Variants in CALU observed in about 807,000 individuals in gnomAD.
CALU encodes the protein IEF SSP 9302.
A neutral mutation model predicts 37.5 loss-of-function variants in CALU; 13 were observed. The ratio of observed to expected loss-of-function variants is 0.35; its 90% CI spans 0.23 to 0.55. The LOEUF (loss-of-function observed/expected upper bound fraction) is 0.55, where lower values mean the gene tolerates loss of function less well. CALU is among the 20% of genes least tolerant of loss of function. The pLI, the probability that CALU is intolerant of heterozygous loss-of-function variation, is 0.89. For synonymous variants in CALU, 114 were observed against 133.8 expected (o/e 0.85, Z 1.02); for missense variants, 282 against 391.7 (o/e 0.72, Z 2.36).
At chr7:128,748,932 C>T in intron 2 of CALU, 128 bp downstream of exon 2, 1 of 620,660 alleles carries the variant, frequency 1.6e-6, no homozygotes, top group Non-Finnish European at 2.8e-6. Flanking sequence ...TGAAAGCTAA[C>T]CATGGAATTA....
chr7:128,741,038 T>C (rs1800221862), intron 1 of CALU, among the ~76,000 whole-genome samples: 1 of 152,182 alleles, frequency 6.6e-6, no homozygotes, highest in Non-Finnish European at 1.5e-5. Context: ...CCTAGTACAT[T>C]GGTGTTAACA....
At chr7:128,751,007 TG>T (rs1369346876) in intron 2 of CALU, among the ~76,000 whole-genome samples, 9 of 152,188 alleles carry the variant, frequency 5.9e-5, no homozygotes, top group Admixed American at 1.3e-4. Flanking sequence ...AAAAGTTCTC[TG>T]GCTGGGCGCA....
rs1800993979 is a variant in CALU, at chr7:128,758,970, C to T, written c.515C>T (p.Thr172Ile). Residue 172 changes from threonine (T) to isoleucine (I), a missense_variant, in exon 4 of 7, where the codon ACC becomes ATC. Thr to Ile is a moderately conservative substitution (Grantham distance 89). Coordinates refer to ENST00000249364, the MANE Select transcript of CALU (RefSeq NM_001219.5). ...GACAAGGATGGAGACCTCATTGCCA[C>T]CAAGGAGGAGTTCACAGCTTTCCTG... ...MADKDGDLIA[T>I]KEEFTAFLHP... 1.2e-6 allele frequency: 2 copies of T among 1,612,806 alleles called. No homozygotes were observed. The highest frequency in any genetic ancestry group is 1.3e-5 in the African/African-American group (1 of 74,844).
rs371965563 is a variant in CALU at position 128,760,012 on chromosome 7, A to G, written c.643+160A>G. 1.9e-3 allele frequency among the ~76,000 whole-genome samples: 295 copies of G among 152,354 alleles called. 9 individuals are homozygous for G. The South Asian group carries it at 0.046, about 24-fold the overall frequency. On this transcript the variant is annotated intron_variant, in intron 5 of 6. Transcript: ENST00000249364. Reference sequence around the variant, plus strand: ...GGAGTCCAAGTCCAGCCTGGCCAACATGGGGAAACCCCGTCTCTACTAAAA... The same window carrying G: ...GGAGTCCAAGTCCAGCCTGGCCAACGTGGGGAAACCCCGTCTCTACTAAAA...
In CALU at chr7:128,754,472, T is replaced by C; in HGVS notation, c.415+17T>C. 6.2e-7 allele frequency: 1 copy of C among 1,609,348 alleles called. No individual in the cohort carries two copies. On this transcript the variant is annotated intron_variant, in intron 3 of 6. Coordinates refer to ENST00000249364, the MANE Select transcript of CALU (RefSeq NM_001219.5). ...ACGTTTTAGGTAGGTCCCTACTGTC[T>C]GGGGGAAAAAGCCTTGTGGAGCTGG...
At chr7:128,758,665 A>T (rs1040808064) in intron 3 of CALU, among the ~76,000 whole-genome samples, 1 of 152,218 alleles carries the variant, frequency 6.6e-6, no homozygotes, top group African/African-American at 2.4e-5. Flanking sequence ...CCAGAGTTCC[A>T]TGTGAACTTG....
Position 128,747,386 on chromosome 7 carries a change from A to G in CALU, c.-11-1187A>G, listed in dbSNP as rs536167957. Among the ~76,000 whole-genome samples, 55 of 152,232 alleles carry G rather than the reference A, an allele frequency of 3.6e-4. 1 individual carries two copies. In the East Asian group the frequency reaches 8.9e-3, roughly 25 times the overall value. Reference sequence around the variant, plus strand: ...TTTCCTAAGTCTTAACCTTCACGTCATCAGTAACAGTACCTTATTTGAGAC... The same window carrying G: ...TTTCCTAAGTCTTAACCTTCACGTCGTCAGTAACAGTACCTTATTTGAGAC... On this transcript the variant is annotated intron_variant, in intron 1 of 6. Transcript: ENST00000249364.
Position 128,748,823 on chromosome 7 carries a change from G to A in CALU, c.221+19G>A. ...GGCTTGGGTAAGGTACCACCTCTCAGGGGTCTAGTGTGGGTAATGACATTC... is the reference window on the plus strand; with the variant it reads ...GGCTTGGGTAAGGTACCACCTCTCAAGGGTCTAGTGTGGGTAATGACATTC... On this transcript the variant is annotated intron_variant, in intron 2 of 6. Transcript: ENST00000249364. 44 of 1,525,278 alleles carry A rather than the reference G, an allele frequency of 2.9e-5. No individual in the cohort carries two copies. Among genetic ancestry groups the A allele is most frequent in the Non-Finnish European group, 4.0e-5 (44 of 1,099,912 alleles). The allele number at this position is 1,525,278 out of a possible 1,614,324, so 94.5% of individuals were successfully genotyped here.
rs1563130442 is a variant in CALU at position 128,754,336 on chromosome 7, T to G, written c.296T>G (p.Phe99Cys). The change falls in exon 3 of 7, where the codon TTT becomes TGT. Residue 99 changes from phenylalanine (F) to cysteine (C), a missense_variant. Physicochemically the swap from Phe to Cys is radical, Grantham distance 205. Coordinates refer to ENST00000249364, the MANE Select transcript of CALU (RefSeq NM_001219.5). ...TVDELKDWIK[F>C]AQKRWIYEDV... ...GATGAGCTCAAAGACTGGATTAAAT[T>G]TGCACAAAAGCGCTGGATTTACGAG... The G allele has an allele frequency of 6.2e-7, 1 of 1,614,074 alleles. No individual in the cohort carries two copies.
intron 2 of CALU, among the ~76,000 whole-genome samples, chr7:128,750,616 C>G (rs1029327255): frequency 1.3e-5 from 2 of 152,156 alleles, no homozygotes; most frequent in Admixed American, 1.3e-4. Context: ...GACAAATATC[C>G]CTACTTTATA....
chr7:128,766,048 T>A (rs532458885), intron 5 of CALU, among the ~76,000 whole-genome samples: 68 of 151,954 alleles, frequency 4.5e-4, no homozygotes, highest in African/African-American at 1.6e-3. Flanking sequence ...CCTCTGCCTC[T>A]GGGGTTCAAG....
intron 1 of CALU, among the ~76,000 whole-genome samples, chr7:128,741,895 T>C (rs951719089): frequency 2.3e-4 from 35 of 152,252 alleles, no homozygotes; most frequent in African/African-American, 8.2e-4. Context: ...CAGAAAAATT[T>C]AAAGTTTGTG....
chr7:128,745,426 T>G (rs980391924), intron 1 of CALU, among the ~76,000 whole-genome samples: 2 of 148,398 alleles, frequency 1.3e-5, no homozygotes, highest in Admixed American at 1.3e-4. Flanking sequence ...GGCAACATAG[T>G]GAGACTCTAC....
intron 1 of CALU, among the ~76,000 whole-genome samples, chr7:128,741,381 C>T (rs1282209243): frequency 6.6e-6 from 1 of 152,116 alleles, no homozygotes; most frequent in Non-Finnish European, 1.5e-5. Flanking sequence ...CAAAAAAGTG[C>T]AAGACAATGT....
At chr7:128,740,121 T>C (rs1800177302) in intron 1 of CALU, among the ~76,000 whole-genome samples, 1 of 152,226 alleles carries the variant, frequency 6.6e-6, no homozygotes, top group South Asian at 2.1e-4. Flanking sequence ...CATATCCTAC[T>C]GATTTTTAGC....
At position 128,758,596 on chromosome 7, in the gene CALU, C is replaced by T. The variant is rs370194195; in HGVS notation, c.416-275C>T. Among the ~76,000 whole-genome samples the T allele has an allele frequency of 2.6e-5, 4 of 152,166 alleles. No homozygotes were observed. In the East Asian group the frequency reaches 5.8e-4, roughly 22 times the overall value. On this transcript the variant is annotated intron_variant, in intron 3 of 6. Transcript: ENST00000249364. ...TCCAGATGTAACTAGAAAATTCAAG[C>T]CTTCTAGTAGCCTTAATACCAATAG... is the stretch of plus-strand genomic sequence containing the variant.
intron 3 of CALU, chr7:128,754,815 A>G (rs376511847): frequency 5.1e-5 from 34 of 672,136 alleles, no homozygotes; most frequent in East Asian, 2.0e-4. Context: ...CTTATCTTAA[A>G]TAGTTCAATT....
chr7:128,748,858 G>A (rs1800550232), intron 2 of CALU, 54 bp downstream of exon 2: 8 of 1,225,594 alleles, frequency 6.5e-6, no homozygotes, highest in Non-Finnish European at 9.5e-6. Context: ...CTTTATAAAG[G>A]CTAATTCTTT....
chr7:128,739,789 T>G (rs1000521340), intron 1 of CALU, among the ~76,000 whole-genome samples: 6 of 151,960 alleles, frequency 3.9e-5, no homozygotes, highest in Non-Finnish European at 8.8e-5. Flanking sequence ...CTCCGGAAGG[T>G]CGGAGGGCAT....
Sources: allele counts gnomAD v4.1 joint callset (sites outside exome capture counted in the v4.1 genomes callset), GRCh38; gene constraint gnomAD v4.1.1; transcripts MANE v1.5; gene names NCBI Gene and HGNC (gene_info 2026-07-23, HGNC 2026-07-21).